The following PRSS58 variants were observed in gnomAD, a reference collection of about 807,000 sequenced individuals.
The protein encoded by PRSS58 is protease, serine 58.
A neutral mutation model predicts 25.0 loss-of-function variants in PRSS58; 31 were observed. The observed-to-expected ratio is 1.24, with a 90% CI of 0.93 to 1.67. The LOEUF (loss-of-function observed/expected upper bound fraction) is 1.67, where lower values mean the gene tolerates loss of function less well. PRSS58 is among the 40% of genes most tolerant of loss of function. The pLI is 0.00. For synonymous variants in PRSS58, 119 were observed against 106.1 expected, an observed-to-expected ratio of 1.12 and a Z score of -0.75; for missense variants, 324 against 287.9, an observed-to-expected ratio of 1.13 and a Z score of -0.91.
rs1265952233 is a variant in PRSS58, at chr7:142,254,942, AG to A, written c.436+112del. The A allele has an allele frequency of 5.6e-6, 6 of 1,063,492 alleles. No individual in the cohort carries two copies. The Admixed American group carries it at 7.9e-5, about 14-fold the overall frequency. 65.9% of individuals were successfully genotyped at this position (1,063,492 alleles called of 1,614,324 possible). Reference sequence around the variant, plus strand: ...TTCAGTGAGGTACAGAGAAAAGGAAAGGGGGGAAAGAGGTTAGAAGAAAGCT... The same window carrying A: ...TTCAGTGAGGTACAGAGAAAAGGAAAGGGGGAAAGAGGTTAGAAGAAAGCT... On this transcript the variant is annotated intron_variant, in intron 4 of 5. Coordinates refer to ENST00000547058, the MANE Select transcript of PRSS58 (RefSeq NM_001001317.5).
intron 4 of PRSS58, 109 bp downstream of exon 4, chr7:142,254,946 G>C (rs1269500695): frequency 3.6e-6 from 4 of 1,110,660 alleles, no homozygotes; most frequent in African/African-American, 1.5e-5. Context: ...AAGGAAAGGG[G>C]GGAAAGAGGT....
At chr7:142,257,323 G>A (rs1335193074) in intron 2 of PRSS58, among the ~76,000 whole-genome samples, 1 of 152,142 alleles carries the variant, frequency 6.6e-6, no homozygotes, top group Non-Finnish European at 1.5e-5. Flanking sequence ...CTGAGTAACT[G>A]GAACTGTGCC....
chr7:142,256,706 C>G (rs1443441699), intron 2 of PRSS58, among the ~76,000 whole-genome samples: 6 of 152,132 alleles, frequency 3.9e-5, no homozygotes, highest in Admixed American at 3.9e-4. Flanking sequence ...AGTGATCCTC[C>G]CACCTCAGCT....
rs139526412 is a variant in PRSS58, at chr7:142,253,608, A to C, written c.437-997T>G. 9.8e-3 allele frequency among the ~76,000 whole-genome samples: 1,476 copies of C among 150,662 alleles called. 30 individuals carry two copies. The highest frequency in any genetic ancestry group is 0.035 in the African/African-American group (1,419 of 40,374). On this transcript the variant is annotated intron_variant, in intron 4 of 5. Transcript: ENST00000547058. ...AGATTTTGGTTTTTTTAATAATGGA[A>C]GAGTATGTTTAATGTTTTTATTTGA...
chr7:142,257,526 G>C, intron 2 of PRSS58, 142 bp downstream of exon 2: 1 of 716,364 alleles, frequency 1.4e-6, no homozygotes, highest in South Asian at 2.1e-5. Flanking sequence ...GAGGAAACTT[G>C]ATGGGAACGG....
At position 142,257,767 on chromosome 7, in the gene PRSS58, A is replaced by G. The variant is rs774635969; in HGVS notation, c.-41-19T>C. 23 of 1,352,240 alleles carry G rather than the reference A, an allele frequency of 1.7e-5. No homozygotes were observed. The highest frequency in any genetic ancestry group is 2.3e-5 in the Non-Finnish European group (22 of 946,206). 83.8% of individuals were successfully genotyped at this position (1,352,240 alleles called of 1,614,324 possible). A position where few individuals can be genotyped will look rare whatever the true frequency, so the allele number is the denominator to read the frequency against. Reference sequence around the variant, plus strand: ...TGGAAAACTGGGAAGAGAGAGAGAAAACAACTAAATAAAACAAAGCAAGAT... The same window carrying G: ...TGGAAAACTGGGAAGAGAGAGAGAAGACAACTAAATAAAACAAAGCAAGAT... On this transcript the variant is annotated intron_variant, in intron 1 of 5. Transcript: ENST00000547058.
At chr7:142,254,996 A>G in intron 4 of PRSS58, 59 bp downstream of exon 4, 4 of 1,536,068 alleles carry the variant, frequency 2.6e-6, no homozygotes, top group South Asian at 2.3e-5. Context: ...AGAAGCCAAG[A>G]GTCGCGAAGG....
At chr7:142,256,582 C>A (rs976095446) in intron 2 of PRSS58, among the ~76,000 whole-genome samples, 2 of 152,124 alleles carry the variant, frequency 1.3e-5, no homozygotes, top group Non-Finnish European at 2.9e-5. Flanking sequence ...TCCTGAGTAG[C>A]TTGGACTACA....
chr7:142,256,378 T>C (rs1798555530), intron 2 of PRSS58, among the ~76,000 whole-genome samples: 1 of 152,158 alleles, frequency 6.6e-6, no homozygotes, highest in African/African-American at 2.4e-5. Flanking sequence ...TGGTGATTAG[T>C]GCTATGGAAA....
chr7:142,257,456 C>T (rs778589549), intron 2 of PRSS58, among the ~76,000 whole-genome samples: 6 of 152,196 alleles, frequency 3.9e-5, no homozygotes, highest in Non-Finnish European at 7.4e-5. Flanking sequence ...ACAATGTCCA[C>T]GCCTCCCACA....
In PRSS58 at chr7:142,255,094, A is replaced by G. The variant is rs1798531134; in HGVS notation, c.397T>C (p.Cys133Arg). Residue 133 changes from cysteine (C) to arginine (R), a missense_variant, in exon 4 of 6, where the codon TGC (cysteine) becomes CGC (arginine). Cys to Arg is a radical substitution (Grantham distance 180, BLOSUM62 -3). Transcript: ENST00000547058. ...TTGTAGCTCCAGGTAGAGACAGAGC[A>G]CATGGTATTTTCAGAGATAGTTTGG... ...PYQTISENTM[C>R]SVSTWSYNVC... The G allele has an allele frequency of 6.2e-7, 1 of 1,614,044 alleles. No homozygotes were observed. Among genetic ancestry groups the G allele is most frequent in the Non-Finnish European group, 8.5e-7 (1 of 1,179,930 alleles).
intron 4 of PRSS58, among the ~76,000 whole-genome samples, chr7:142,254,829 TA>T (rs1309529460): frequency 6.6e-6 from 1 of 152,026 alleles, no homozygotes; most frequent in Non-Finnish European, 1.5e-5. Context: ...TTCTTTCCAC[TA>T]AAACCACTTC....
chr7:142,255,940 T>A (rs960721973), intron 2 of PRSS58, among the ~76,000 whole-genome samples: 3 of 152,232 alleles, frequency 2.0e-5, no homozygotes, highest in South Asian at 2.1e-4. Flanking sequence ...CCTTCCACAA[T>A]TTAGTGGGTT....
chr7:142,256,453 T>A, intron 2 of PRSS58, among the ~76,000 whole-genome samples: 1 of 151,922 alleles, frequency 6.6e-6, no homozygotes, highest in East Asian at 1.9e-4. Context: ...AAGGAGGGGT[T>A]TCAGGCAGTA....
chr7:142,255,850 C>G (rs1255604427), intron 2 of PRSS58, among the ~76,000 whole-genome samples, 177 bp from the exon 3 acceptor site: 1 of 152,170 alleles, frequency 6.6e-6, no homozygotes, highest in South Asian at 2.1e-4. Flanking sequence ...AGAAACATAT[C>G]TCTTTTGAAA....
At position 142,254,640 on chromosome 7, in the gene PRSS58, C is replaced by T. The variant is rs189412804; in HGVS notation, c.436+415G>A. On this transcript the variant is annotated intron_variant, in intron 4 of 5. Coordinates refer to ENST00000547058, the MANE Select transcript of PRSS58 (RefSeq NM_001001317.5). Reference sequence around the variant, plus strand: ...AGTAAAATATTATATATTTATCTTACATTTAATACACTGATATTTATTTCT... The same window carrying T: ...AGTAAAATATTATATATTTATCTTATATTTAATACACTGATATTTATTTCT... Among the ~76,000 whole-genome samples, 95 of 152,208 alleles carry T rather than the reference C, an allele frequency of 6.2e-4. 2 individuals are homozygous for T. The East Asian group carries it at 8.5e-3, about 14-fold the overall frequency.
In PRSS58 at chr7:142,252,354, G is replaced by C; in HGVS notation, c.593C>G (p.Pro198Arg). 6.2e-7 allele frequency: 1 copy of C among 1,613,456 alleles called. No individual in the cohort carries two copies. The highest frequency in any genetic ancestry group is 1.1e-5 in the South Asian group (1 of 90,882). Residue 198 changes from proline to arginine, a missense_variant, in exon 6 of 6, where the codon CCG becomes CGG. Coordinates refer to ENST00000547058, the MANE Select transcript of PRSS58 (RefSeq NM_001001317.5). ...TTGAAGCATCCCATTGCAGATTGCCGGGGCAGCAGAAACTTCCTGCCAGGA... is the reference window on the plus strand; with the variant it reads ...TTGAAGCATCCCATTGCAGATTGCCCGGGCAGCAGAAACTTCCTGCCAGGA... ...RQPCKEVSAAPAICNGMLQGI... is the reference protein window; with the variant it reads ...RQPCKEVSAARAICNGMLQGI...
intron 4 of PRSS58, among the ~76,000 whole-genome samples, chr7:142,253,529 T>C (rs962706175): frequency 6.6e-6 from 1 of 152,342 alleles, no homozygotes; most frequent in African/African-American, 2.4e-5. Flanking sequence ...TATGAACACA[T>C]GTGGCACGTG....
chr7:142,255,356 T>C (rs189141999), intron 3 of PRSS58, 45 bp from the exon 4 acceptor site: 3 of 1,597,758 alleles, frequency 1.9e-6, no homozygotes, highest in Admixed American at 3.4e-5. Flanking sequence ...CAGAGATGGC[T>C]TCTCCATCAT....
Sources: gnomAD v4.1 joint callset for allele counts (sites outside exome capture counted in the v4.1 genomes callset) on GRCh38, gnomAD v4.1.1 for gene constraint, MANE v1.5 for transcripts, NCBI Gene and HGNC (gene_info 2026-07-23, HGNC 2026-07-21) for gene names.